Variants in TEX36 observed in about 807,000 individuals in gnomAD.
TEX36 encodes the protein testis-expressed protein 36.
Under a neutral mutation model 13.6 loss-of-function variants are expected in TEX36, and 12 were observed. The observed-to-expected ratio is 0.88, with a 90% confidence interval of 0.56 to 1.43. TEX36 has a LOEUF of 1.43. Ranked by LOEUF, TEX36 falls within the 40% of genes most tolerant of loss-of-function variation. The pLI is 0.00. For missense variants in TEX36, 224 were observed against 228.3 expected (o/e 0.98, Z 0.12); for synonymous variants, 93 against 83.0 (o/e 1.12, Z -0.65).
intron 3 of TEX36, among the ~76,000 whole-genome samples, chr10:125,596,021 G>A (rs1196863716): frequency 6.6e-6 from 1 of 152,194 alleles, no homozygotes; most frequent in Non-Finnish European, 1.5e-5. Flanking sequence ...GAAGATATTA[G>A]CAATCTGAAT....
intron 3 of TEX36, among the ~76,000 whole-genome samples, chr10:125,584,420 T>G (rs1433278): frequency 0.32 from 49,423 of 152,204 alleles, 9,811 homozygotes; most frequent in East Asian, 0.47. Flanking sequence ...ATCCTACCCC[T>G]AATTTTAACA....
At chr10:125,594,888 C>T (rs983575001) in intron 3 of TEX36, among the ~76,000 whole-genome samples, 1 of 152,144 alleles carries the variant, frequency 6.6e-6, no homozygotes, top group African/African-American at 2.4e-5. Flanking sequence ...ACAGAATCCA[C>T]AGAACCAACA....
chr10:125,600,660 C>T (rs937438564), intron 3 of TEX36, among the ~76,000 whole-genome samples: 2 of 152,176 alleles, frequency 1.3e-5, no homozygotes, highest in Non-Finnish European at 2.9e-5. Flanking sequence ...CCCAGGGTCC[C>T]AATCACAACC....
downstream of TEX36, among the ~76,000 whole-genome samples, chr10:125,651,653 C>A (rs147917751): frequency 2.2e-4 from 34 of 151,830 alleles, no homozygotes; most frequent in Admixed American, 2.0e-4. Flanking sequence ...CCAGGGCAAT[C>A]GGGCAGGAGA....
intron 3 of TEX36, among the ~76,000 whole-genome samples, chr10:125,656,411 C>A (rs1846945831): frequency 6.6e-6 from 1 of 151,854 alleles, no homozygotes; most frequent in Non-Finnish European, 1.5e-5. Flanking sequence ...TGGACCCCAC[C>A]ACGCCTGGCT....
chr10:125,664,369 C>A (rs1589782358), intron 1 of TEX36, among the ~76,000 whole-genome samples: 1 of 152,246 alleles, frequency 6.6e-6, no homozygotes, highest in East Asian at 1.9e-4. Flanking sequence ...AGTGGGATTG[C>A]CGAATCACAT....
At chr10:125,657,200 G>A (rs557292037) in intron 3 of TEX36, among the ~76,000 whole-genome samples, 1 of 152,278 alleles carries the variant, frequency 6.6e-6, no homozygotes, top group African/African-American at 2.4e-5. Context: ...TGTGATGAAG[G>A]GTCAGTGTCA....
chr10:125,586,454 T>C (rs1419857839), intron 3 of TEX36, among the ~76,000 whole-genome samples: 1 of 152,074 alleles, frequency 6.6e-6, no homozygotes, highest in Non-Finnish European at 1.5e-5. Flanking sequence ...AATAGGATCT[T>C]ATTCCAATAA....
At chr10:125,609,158 A>G (rs1316671333) in intron 3 of TEX36, among the ~76,000 whole-genome samples, 7 of 111,190 alleles carry the variant, frequency 6.3e-5, no homozygotes, top group African/African-American at 3.3e-4. Flanking sequence ...CCATCTCAGG[A>G]AAAAACAAAA....
chr10:125,583,606 A>C (rs1554995796), intron 3 of TEX36, among the ~76,000 whole-genome samples: 1 of 152,230 alleles, frequency 6.6e-6, no homozygotes, highest in Non-Finnish European at 1.5e-5. Context: ...TTCAGCATGT[A>C]AATTGTAGAG....
At chr10:125,591,583 G>A (rs753726714) in intron 3 of TEX36, among the ~76,000 whole-genome samples, 5 of 152,188 alleles carry the variant, frequency 3.3e-5, no homozygotes, top group Admixed American at 2.0e-4. Context: ...AAACCGCACT[G>A]ATCAATACCC....
chr10:125,648,855 C>T (rs764323630), intron 3 of TEX36, among the ~76,000 whole-genome samples: 9 of 152,120 alleles, frequency 5.9e-5, no homozygotes, highest in Admixed American at 2.6e-4. Context: ...AACTACATGA[C>T]GCATGCACAA....
intron 1 of TEX36, among the ~76,000 whole-genome samples, chr10:125,682,528 T>C (rs1847412819): frequency 6.6e-6 from 1 of 152,224 alleles, no homozygotes; most frequent in Non-Finnish European, 1.5e-5. Flanking sequence ...CTCCAGATCC[T>C]GTTCTAGGCA....
intron 3 of TEX36, among the ~76,000 whole-genome samples, chr10:125,592,096 A>G (rs1207145486): frequency 1.3e-5 from 2 of 152,220 alleles, no homozygotes; most frequent in Non-Finnish European, 2.9e-5. Flanking sequence ...GCTTGGAAAA[A>G]CAAAATTGTC....
chr10:125,650,029 T>C (rs990559391), intron 3 of TEX36, among the ~76,000 whole-genome samples: 2 of 152,120 alleles, frequency 1.3e-5, no homozygotes, highest in African/African-American at 4.8e-5. Flanking sequence ...GAGACTTAGA[T>C]TCCCACACAA....
At chr10:125,590,559 ATAT>A (rs1265665696) in intron 3 of TEX36, among the ~76,000 whole-genome samples, 1 of 152,196 alleles carries the variant, frequency 6.6e-6, no homozygotes, top group Non-Finnish European at 1.5e-5. Context: ...AATGCGGCAG[ATAT>A]TATTATTACT....
chr10:125,627,387 T>C (rs925699812), intron 3 of TEX36, among the ~76,000 whole-genome samples: 1 of 152,230 alleles, frequency 6.6e-6, no homozygotes, highest in Non-Finnish European at 1.5e-5. Flanking sequence ...TAGGGCAGTA[T>C]TCAGCCAGTA....
At chr10:125,654,777 T>C (rs971907300), downstream of TEX36, among the ~76,000 whole-genome samples, 2 of 152,170 alleles carry the variant, frequency 1.3e-5, no homozygotes, top group African/African-American at 4.8e-5. Context: ...TAAATGATAA[T>C]GTGAGAGGGG....
intron 3 of TEX36, among the ~76,000 whole-genome samples, chr10:125,577,960 A>G (rs1022898284): frequency 6.6e-6 from 1 of 152,262 alleles, no homozygotes; most frequent in Non-Finnish European, 1.5e-5. Context: ...TGAAATAAAC[A>G]AATGTCATAT....
Sources: allele counts gnomAD v4.1 joint callset (sites outside exome capture counted in the v4.1 genomes callset), GRCh38; gene constraint gnomAD v4.1.1; transcripts MANE v1.5; gene names NCBI Gene and HGNC (gene_info 2026-07-23, HGNC 2026-07-21).